The following ZNF385B variants were observed in gnomAD, a reference collection of about 807,000 sequenced individuals.
The protein encoded by ZNF385B is zinc finger protein 533.
In ZNF385B, 23 loss-of-function variants were observed where a neutral mutation model predicts 39.2. The ratio of observed to expected loss-of-function variants is 0.59; its 90% confidence interval spans 0.42 to 0.83. The LOEUF (loss-of-function observed/expected upper bound fraction) is 0.83, where lower values mean the gene tolerates loss of function less well. ZNF385B is among the 40% of genes least tolerant of loss of function. The probability of loss-of-function intolerance (pLI) is 0.00; values close to 1 mark genes in which losing one functional copy is unlikely to be tolerated. For synonymous variants in ZNF385B, 205 were observed against 222.6 expected (o/e 0.92, Z 0.70); for missense variants, 552 against 598.9 (o/e 0.92, Z 0.82).
At chr2:179,664,337 C>G (rs1346282231) in intron 3 of ZNF385B, among the ~76,000 whole-genome samples, 1 of 152,082 alleles carries the variant, frequency 6.6e-6, no homozygotes, top group East Asian at 1.9e-4. Flanking sequence ...TTAAGACCAT[C>G]TAAAGGCATT....
chr2:179,575,542 C>T (rs1685707566), intron 3 of ZNF385B, among the ~76,000 whole-genome samples: 1 of 152,052 alleles, frequency 6.6e-6, no homozygotes, highest in Admixed American at 6.6e-5. Flanking sequence ...AAGCATTGCT[C>T]CTTTCCTTGG....
chr2:179,558,978 A>G (rs1486064541), intron 3 of ZNF385B, among the ~76,000 whole-genome samples: 2 of 152,154 alleles, frequency 1.3e-5, no homozygotes, highest in Non-Finnish European at 2.9e-5. Flanking sequence ...TTGGAGCTAC[A>G]ATGGGAAAAA....
At chr2:179,811,579 G>A (rs1280284373) in intron 1 of ZNF385B, among the ~76,000 whole-genome samples, 1 of 152,146 alleles carries the variant, frequency 6.6e-6, no homozygotes, top group Non-Finnish European at 1.5e-5. Flanking sequence ...AAATGGTGCT[G>A]AGATAGCTGG....
chr2:179,499,596 T>G (rs1260851492), intron 5 of ZNF385B, among the ~76,000 whole-genome samples: 1 of 151,986 alleles, frequency 6.6e-6, no homozygotes, highest in East Asian at 1.9e-4. Flanking sequence ...TCAACATCCC[T>G]TCATGATAAA....
intron 3 of ZNF385B, among the ~76,000 whole-genome samples, chr2:179,681,600 T>C (rs540363527): frequency 2.2e-4 from 33 of 152,356 alleles, no homozygotes; most frequent in African/African-American, 7.7e-4. Context: ...ACAATTCTAA[T>C]AACCCCCAGG....
intron 3 of ZNF385B, among the ~76,000 whole-genome samples, chr2:179,718,006 A>C (rs1206755054): frequency 1.3e-5 from 2 of 152,070 alleles, no homozygotes; most frequent in Non-Finnish European, 2.9e-5. Context: ...TTTGCTACTA[A>C]ATTTCTTGGC....
intron 3 of ZNF385B, among the ~76,000 whole-genome samples, chr2:179,629,886 C>T (rs893890653): frequency 3.3e-5 from 5 of 152,226 alleles, no homozygotes; most frequent in Admixed American, 2.6e-4. Context: ...CTCAGCGGGT[C>T]CCACACCCAT....
intron 3 of ZNF385B, among the ~76,000 whole-genome samples, chr2:179,551,323 G>A (rs927606401): frequency 3.3e-5 from 5 of 152,006 alleles, no homozygotes; most frequent in African/African-American, 1.2e-4. Flanking sequence ...GTAATACAAG[G>A]TGGTCACAGG....
At chr2:179,683,601 G>A (rs1345205174) in intron 3 of ZNF385B, among the ~76,000 whole-genome samples, 2 of 151,538 alleles carry the variant, frequency 1.3e-5, no homozygotes, top group African/African-American at 2.4e-5. Context: ...TCAGTCTCCC[G>A]AGTAGCTGGG....
chr2:179,585,918 T>G (rs180757476), intron 3 of ZNF385B: 35 of 152,318 alleles, frequency 2.3e-4, no homozygotes, highest in African/African-American at 7.7e-4. Context: ...CTAGAACACA[T>G]ATACGAACAG....
At chr2:179,479,817 C>T (rs933694676) in intron 6 of ZNF385B, among the ~76,000 whole-genome samples, 11 of 151,998 alleles carry the variant, frequency 7.2e-5, no homozygotes, top group Non-Finnish European at 1.3e-4. Flanking sequence ...CCAGCCTGGG[C>T]AACAGAGCGA....
At chr2:179,499,307 C>G (rs560773306) in intron 5 of ZNF385B, among the ~76,000 whole-genome samples, 2 of 151,854 alleles carry the variant, frequency 1.3e-5, no homozygotes, top group East Asian at 3.8e-4. Flanking sequence ...ACTCCAAACT[C>G]GTTCTACAAG....
At chr2:179,521,353 G>GTTTTTTTTTTTTT (rs56392185) in intron 4 of ZNF385B, among the ~76,000 whole-genome samples, 3,377 of 107,810 alleles carry the variant, frequency 0.031, 121 homozygotes, top group Non-Finnish European at 0.039. Context: ...CACCTGGCCA[G>GTTTTTTTTTTTTT]TTTTTTTTTT....
chr2:179,744,568 C>T (rs181272300), intron 3 of ZNF385B, among the ~76,000 whole-genome samples: 122 of 152,200 alleles, frequency 8.0e-4, no homozygotes, highest in African/African-American at 2.9e-3. Context: ...GTCTGCTTAG[C>T]CAAGCTTTAC....
intron 3 of ZNF385B, among the ~76,000 whole-genome samples, chr2:179,735,776 T>C (rs189356951): frequency 6.7e-6 from 1 of 149,644 alleles, no homozygotes; most frequent in Non-Finnish European, 1.5e-5. Context: ...GTAAACTATC[T>C]CAAGAACTAA....
At chr2:179,816,536 C>G (rs1009482689) in intron 1 of ZNF385B, among the ~76,000 whole-genome samples, 4 of 152,142 alleles carry the variant, frequency 2.6e-5, no homozygotes, top group African/African-American at 9.7e-5. Flanking sequence ...CCTTAAGGCC[C>G]TACCTGATTA....
intron 3 of ZNF385B, among the ~76,000 whole-genome samples, chr2:179,604,187 G>A (rs374654917): frequency 7.2e-5 from 11 of 152,054 alleles, no homozygotes; most frequent in African/African-American, 2.7e-4. Flanking sequence ...CTAAGGATTG[G>A]CACAGCACCT....
chr2:179,806,707 A>G (rs965625667), intron 1 of ZNF385B, among the ~76,000 whole-genome samples: 26 of 152,166 alleles, frequency 1.7e-4, no homozygotes, highest in African/African-American at 5.6e-4. Flanking sequence ...TAATTTGTCA[A>G]TGAGCCACAA....
At chr2:179,492,679 T>C (rs1021569670) in intron 5 of ZNF385B, among the ~76,000 whole-genome samples, 1 of 152,056 alleles carries the variant, frequency 6.6e-6, no homozygotes, top group Non-Finnish European at 1.5e-5. Flanking sequence ...CATTACTCAT[T>C]TGAAAACCTG....
Sources: gnomAD v4.1 joint callset for allele counts (sites outside exome capture counted in the v4.1 genomes callset) on GRCh38, gnomAD v4.1.1 for gene constraint, MANE v1.5 for transcripts, NCBI Gene and HGNC (gene_info 2026-07-23, HGNC 2026-07-21) for gene names.